The following PTPRK variants were observed in gnomAD, a reference collection of about 807,000 sequenced individuals.
PTPRK encodes the protein receptor-type tyrosine-protein phosphatase kappa.
In PTPRK, 75 loss-of-function variants were observed where a neutral mutation model predicts 178.0. That is an observed-to-expected ratio of 0.42 (90% CI 0.35 to 0.51). The LOEUF is 0.51. PTPRK is among the 20% of genes least tolerant of loss of function. The pLI is 0.02. For missense variants in PTPRK, 1,441 were observed against 1,797.8 expected, an observed-to-expected ratio of 0.80 and a Z score of 3.59; for synonymous variants, 637 against 620.6, an observed-to-expected ratio of 1.03 and a Z score of -0.39.
intron 2 of PTPRK, among the ~76,000 whole-genome samples, chr6:128,380,654 T>C (rs1446766696): frequency 2.0e-5 from 3 of 151,866 alleles, no homozygotes; most frequent in African/African-American, 7.3e-5. Context: ...GAATCTGCAT[T>C]TGACATACAA....
At chr6:128,169,410 A>ATGTGT (rs1435388454) in intron 7 of PTPRK, among the ~76,000 whole-genome samples, 1 of 152,074 alleles carries the variant, frequency 6.6e-6, no homozygotes, top group Non-Finnish European at 1.5e-5. Context: ...TAAGTAAGCC[A>ATGTGT]TGTGTTAGTT....
chr6:128,509,428 G>A (rs1230787101), intron 1 of PTPRK, among the ~76,000 whole-genome samples: 1 of 152,014 alleles, frequency 6.6e-6, no homozygotes, highest in Non-Finnish European at 1.5e-5. Flanking sequence ...AACATTGAGA[G>A]GCAATGTATC....
chr6:128,354,237 T>TTTTTTTTG (rs1833635078), intron 2 of PTPRK, among the ~76,000 whole-genome samples: 1 of 85,006 alleles, frequency 1.2e-5, no homozygotes, highest in East Asian at 3.6e-4. Context: ...TTATGTTTTT[T>TTTTTTTTG]TTTTTTTTTT....
At chr6:128,485,879 T>G (rs1239746249) in intron 1 of PTPRK, among the ~76,000 whole-genome samples, 1 of 152,214 alleles carries the variant, frequency 6.6e-6, no homozygotes, top group East Asian at 1.9e-4. Flanking sequence ...ATCAGCGTCT[T>G]TCTTGAGTGA....
intron 2 of PTPRK, among the ~76,000 whole-genome samples, chr6:128,364,642 T>A (rs1271790828): frequency 6.6e-6 from 1 of 152,016 alleles, no homozygotes; most frequent in East Asian, 1.9e-4. Context: ...GACAGATAAA[T>A]AAATAAATAA....
At chr6:128,395,154 T>A (rs2128367278) in intron 2 of PTPRK, among the ~76,000 whole-genome samples, 1 of 152,274 alleles carries the variant, frequency 6.6e-6, no homozygotes, top group African/African-American at 2.4e-5. Flanking sequence ...GTCAGCACTT[T>A]AAAGGAATAT....
intron 2 of PTPRK, among the ~76,000 whole-genome samples, chr6:128,365,771 T>C (rs77400266): frequency 0.014 from 2,200 of 152,236 alleles, 57 homozygotes; most frequent in African/African-American, 0.05. Context: ...AATGATCTTA[T>C]GCAATGTTTA....
chr6:128,425,170 C>G (rs1011963897), intron 1 of PTPRK, among the ~76,000 whole-genome samples: 1 of 151,712 alleles, frequency 6.6e-6, no homozygotes, highest in African/African-American at 2.4e-5. Flanking sequence ...CTCCGCCTCC[C>G]GGGTTCAAGT....
intron 3 of PTPRK, among the ~76,000 whole-genome samples, chr6:128,294,243 AT>A (rs1483137359): frequency 6.6e-6 from 1 of 152,102 alleles, no homozygotes; most frequent in Non-Finnish European, 1.5e-5. Context: ...TGAGCAGATT[AT>A]TTTATTATTC....
At chr6:128,033,899 T>C (rs954558407) in intron 13 of PTPRK, among the ~76,000 whole-genome samples, 1 of 151,906 alleles carries the variant, frequency 6.6e-6, no homozygotes, top group African/African-American at 2.4e-5. Flanking sequence ...AAAAGATGAA[T>C]TTCACAAGTC....
chr6:128,476,124 C>T (rs1851343789), intron 1 of PTPRK, among the ~76,000 whole-genome samples: 1 of 152,036 alleles, frequency 6.6e-6, no homozygotes, highest in Non-Finnish European at 1.5e-5. Context: ...TTCTGTCACC[C>T]AAGAACTACA....
intron 2 of PTPRK, among the ~76,000 whole-genome samples, chr6:128,328,604 G>T (rs1829872466): frequency 6.6e-6 from 1 of 152,092 alleles, no homozygotes; most frequent in Non-Finnish European, 1.5e-5. Flanking sequence ...AGTCACGCTG[G>T]TATATATAAG....
chr6:128,078,158 G>C (rs972465676), intron 11 of PTPRK, among the ~76,000 whole-genome samples: 2 of 151,898 alleles, frequency 1.3e-5, no homozygotes, highest in African/African-American at 2.4e-5. Context: ...GGACTAGAGG[G>C]GGGAAAAAGG....
chr6:128,481,796 T>C (rs1354710247), intron 1 of PTPRK, among the ~76,000 whole-genome samples: 1 of 152,044 alleles, frequency 6.6e-6, no homozygotes, highest in Non-Finnish European at 1.5e-5. Context: ...TTTAAGAGTA[T>C]CCAGCAAGAC....
At chr6:128,021,676 G>C (rs1248022326) in intron 13 of PTPRK, among the ~76,000 whole-genome samples, 1 of 152,244 alleles carries the variant, frequency 6.6e-6, no homozygotes, top group South Asian at 2.1e-4. Context: ...CTTCCACAAA[G>C]CCTTTTCCAG....
rs1172463534 is a variant in PTPRK, at chr6:127,991,279, T to A, written c.2979+15A>T. 1.3e-6 allele frequency: 2 copies of A among 1,577,540 alleles called. No individual in the cohort carries two copies. The highest frequency in any genetic ancestry group is 2.7e-5 in the African/African-American group (2 of 73,084). On this transcript the variant is annotated intron_variant, in intron 20 of 29. Coordinates refer to ENST00000368226, the MANE Select transcript of PTPRK (RefSeq NM_002844.4). ...TTCATTTTTATGACAAAAAAATTCT[T>A]TTTCTTCCTCTTACCCGGCCAACCT... is the stretch of plus-strand genomic sequence containing the variant.
intron 7 of PTPRK, among the ~76,000 whole-genome samples, chr6:128,161,427 G>T (rs112381172): frequency 6.5e-4 from 99 of 151,600 alleles, no homozygotes; most frequent in Non-Finnish European, 9.8e-4. Context: ...AAGAGAGAGA[G>T]AAATTATGTT....
intron 2 of PTPRK, among the ~76,000 whole-genome samples, chr6:128,352,024 A>C (rs1055704337): frequency 5.3e-5 from 8 of 152,156 alleles, no homozygotes; most frequent in African/African-American, 1.9e-4. Flanking sequence ...TGGGAGGCTA[A>C]GGCAGGTGGA....
At chr6:127,984,301 T>G (rs1221821567) in intron 22 of PTPRK, among the ~76,000 whole-genome samples, 1 of 152,228 alleles carries the variant, frequency 6.6e-6, no homozygotes, top group Non-Finnish European at 1.5e-5. Flanking sequence ...AGACTCATCC[T>G]ACAGTGGTAC....
Sources: gnomAD v4.1 joint callset for allele counts (sites outside exome capture counted in the v4.1 genomes callset) on GRCh38, gnomAD v4.1.1 for gene constraint, MANE v1.5 for transcripts, NCBI Gene and HGNC (gene_info 2026-07-23, HGNC 2026-07-21) for gene names.